The following ATP10A variants were observed in gnomAD, a reference collection of about 807,000 sequenced individuals.
The protein encoded by ATP10A is phospholipid-transporting ATPase VA.
In ATP10A, 111 loss-of-function variants were observed where a neutral mutation model predicts 147.8. That is an observed-to-expected ratio of 0.75 (90% CI 0.64 to 0.88). The LOEUF (loss-of-function observed/expected upper bound fraction) is 0.88. ATP10A is among the 40% of genes least tolerant of loss of function. The pLI, the probability that ATP10A is intolerant of heterozygous loss-of-function variation, is 0.00. For synonymous variants in ATP10A, 875 were observed against 841.6 expected, an observed-to-expected ratio of 1.04 and a Z score of -0.69; for missense variants, 1,927 against 1,959.0, an observed-to-expected ratio of 0.98 and a Z score of 0.31.
At chr15:25,685,824 T>A (rs1596681283) in intron 16 of ATP10A, among the ~76,000 whole-genome samples, 1 of 139,328 alleles carries the variant, frequency 7.2e-6, no homozygotes, top group Non-Finnish European at 1.6e-5. Context: ...ACCCTGTCTT[T>A]AAAAAAAAAA....
intron 14 of ATP10A, 57 bp downstream of exon 14, chr15:25,694,762 G>T (rs1900220492): frequency 8.2e-6 from 12 of 1,459,866 alleles, no homozygotes; most frequent in South Asian, 5.1e-5. Flanking sequence ...GCATGGAAGG[G>T]TAGAGGAAGT....
chr15:25,815,985 A>G (rs1891638319), intron 1 of ATP10A, among the ~76,000 whole-genome samples: 1 of 151,348 alleles, frequency 6.6e-6, no homozygotes, highest in Admixed American at 6.6e-5. Flanking sequence ...AGAAAAGAAG[A>G]AATTACTTAG....
intron 2 of ATP10A, among the ~76,000 whole-genome samples, chr15:25,778,739 T>C (rs960559246): frequency 1.3e-5 from 2 of 152,102 alleles, no homozygotes; most frequent in Non-Finnish European, 2.9e-5. Context: ...ACATCTAACT[T>C]GTAAGCAGCT....
At chr15:25,757,117 A>G (rs1180747925) in intron 2 of ATP10A, among the ~76,000 whole-genome samples, 2 of 152,224 alleles carry the variant, frequency 1.3e-5, no homozygotes, top group Non-Finnish European at 2.9e-5. Context: ...TCATTTCTTG[A>G]TAAGTTAAAA....
chr15:25,775,499 C>T (rs972360998), intron 2 of ATP10A, among the ~76,000 whole-genome samples: 1 of 152,220 alleles, frequency 6.6e-6, no homozygotes, highest in African/African-American at 2.4e-5. Context: ...TGTGAAGGTA[C>T]GTGTTTAAGA....
intron 2 of ATP10A, among the ~76,000 whole-genome samples, chr15:25,755,904 C>T (rs1888381968): frequency 6.6e-6 from 1 of 152,166 alleles, no homozygotes; most frequent in Admixed American, 6.6e-5. Context: ...AGGAAATCTC[C>T]ATTTGTAAGC....
chr15:25,842,655 G>C (rs1450836943), intron 1 of ATP10A, among the ~76,000 whole-genome samples: 1 of 152,048 alleles, frequency 6.6e-6, no homozygotes, highest in Non-Finnish European at 1.5e-5. Flanking sequence ...CAGTCTTTTA[G>C]GTCTCAGTCA....
intron 3 of ATP10A, among the ~76,000 whole-genome samples, chr15:25,732,225 A>G (rs146851654): frequency 6.6e-6 from 1 of 152,226 alleles, no homozygotes; most frequent in East Asian, 1.9e-4. Context: ...ACCAGCTAAT[A>G]TGAGAACATT....
rs117415548 is a variant in ATP10A, at chr15:25,836,427, A to T, written c.449+26221T>A. ...ACAGGTCCAGCTTGGCAAGAGAAACACACCCAACAACAGAGTGGCAACACT... is the reference window on the plus strand; with the variant it reads ...ACAGGTCCAGCTTGGCAAGAGAAACTCACCCAACAACAGAGTGGCAACACT... On this transcript the variant is annotated intron_variant, in intron 1 of 20. Coordinates refer to ENST00000555815, the MANE Select transcript of ATP10A (RefSeq NM_024490.4). Among the ~76,000 whole-genome samples, 450 of 152,220 alleles carry T rather than the reference A, an allele frequency of 3.0e-3. 4 individuals carry two copies. The highest frequency in any genetic ancestry group is 2.5e-3 in the Non-Finnish European group (173 of 68,020).
At chr15:25,788,818 A>T (rs1337625860) in intron 1 of ATP10A, among the ~76,000 whole-genome samples, 1 of 152,236 alleles carries the variant, frequency 6.6e-6, no homozygotes, top group Non-Finnish European at 1.5e-5. Flanking sequence ...GTTTAGTATC[A>T]TTCTGTATTA....
intron 2 of ATP10A, among the ~76,000 whole-genome samples, chr15:25,754,448 C>G (rs1014309396): frequency 1.3e-5 from 2 of 152,150 alleles, no homozygotes; most frequent in Non-Finnish European, 2.9e-5. Context: ...AGGGAACTGA[C>G]AGCAGTTGCC....
At chr15:25,784,921 C>CA (rs397972229) in intron 1 of ATP10A, among the ~76,000 whole-genome samples, 4,891 of 106,568 alleles carry the variant, frequency 0.046, 245 homozygotes, top group African/African-American at 0.14. Flanking sequence ...GACCCCGTGT[C>CA]AAAAAAAAAA....
Position 25,708,282 on chromosome 15 carries a change from T to C in ATP10A, c.2363A>G (p.His788Arg). 1 of 1,614,164 alleles carries C rather than the reference T, an allele frequency of 6.2e-7. No homozygotes were observed. The highest frequency in any genetic ancestry group is 8.5e-7 in the Non-Finnish European group (1 of 1,180,008). Residue 788 changes from histidine (H) to arginine (R), a missense_variant, in exon 11 of 21, where the codon CAT (histidine) becomes CGT (arginine). By Grantham distance (29) the His-to-Arg change is conservative (BLOSUM62 0). Transcript: ENST00000555815. ...AGTTTTGCTCCGAATCTTTTTTTGA[T>C]GCCTCCCTCTGGCGTCAACTAGGTT... ...PCSSVDARGRHQKKIRSKTQN... is the reference protein window; with the variant it reads ...PCSSVDARGRRQKKIRSKTQN...
At chr15:25,782,892 G>A (rs1008843175) in intron 1 of ATP10A, among the ~76,000 whole-genome samples, 2 of 151,908 alleles carry the variant, frequency 1.3e-5, no homozygotes, top group South Asian at 4.2e-4. Context: ...CTGGGTTGCC[G>A]GGTGCCATGG....
At chr15:25,748,776 C>G (rs1215532292) in intron 2 of ATP10A, among the ~76,000 whole-genome samples, 1 of 151,584 alleles carries the variant, frequency 6.6e-6, no homozygotes, top group African/African-American at 2.4e-5. Context: ...CATGAGTGAC[C>G]AGGCACAGTG....
chr15:25,738,304 C>T (rs1407863286), intron 2 of ATP10A, among the ~76,000 whole-genome samples: 2 of 152,198 alleles, frequency 1.3e-5, no homozygotes, highest in Admixed American at 6.5e-5. Context: ...GGCCCCCGAT[C>T]CACCCTTCTG....
rs943138964 is a variant in ATP10A, at chr15:25,740,041, C to T, written c.655-3900G>A. ...CCCCTCTTCAACCACATGGGGGAGG[C>T]GTGTGTCTAATTCAGCAGTGCCCAG... is the stretch of plus-strand genomic sequence containing the variant. On this transcript the variant is annotated intron_variant, in intron 2 of 20. Transcript: ENST00000555815. Among the ~76,000 whole-genome samples the T allele has an allele frequency of 7.9e-5, 12 of 152,190 alleles. No individual in the cohort carries two copies. The South Asian group carries it at 1.5e-3, about 18-fold the overall frequency.
intron 17 of ATP10A, among the ~76,000 whole-genome samples, chr15:25,681,378 C>G (rs560340864): frequency 6.6e-6 from 1 of 152,202 alleles, no homozygotes; most frequent in African/African-American, 2.4e-5. Context: ...AAGAGCATCT[C>G]AAAACGATCA....
chr15:25,744,292 T>TA (rs1887728916), intron 2 of ATP10A, among the ~76,000 whole-genome samples: 1 of 152,132 alleles, frequency 6.6e-6, no homozygotes, highest in East Asian at 1.9e-4. Flanking sequence ...AACCCCTAGA[T>TA]ACTAAACAAA....
Sources: gnomAD v4.1 joint callset for allele counts (sites outside exome capture counted in the v4.1 genomes callset) on GRCh38, gnomAD v4.1.1 for gene constraint, MANE v1.5 for transcripts, NCBI Gene and HGNC (gene_info 2026-07-23, HGNC 2026-07-21) for gene names.